Variants in TESC observed in about 807,000 individuals in gnomAD.
TESC encodes the protein tescalcin.
A neutral mutation model predicts 31.0 loss-of-function variants in TESC; 19 were observed. The ratio of observed to expected loss-of-function variants is 0.61; its 90% CI spans 0.43 to 0.90. The LOEUF is 0.90. Ranked by LOEUF, TESC falls within the 40% of genes least tolerant of loss-of-function variation. TESC has a pLI of 0.00. For missense variants in TESC, 248 were observed against 303.8 expected, an observed-to-expected ratio of 0.82 and a Z score of 1.36; for synonymous variants, 109 against 114.8, an observed-to-expected ratio of 0.95 and a Z score of 0.32.
chr12:117,081,670 G>A (rs953089906), intron 1 of TESC, among the ~76,000 whole-genome samples: 13 of 152,100 alleles, frequency 8.5e-5, no homozygotes, highest in African/African-American at 2.9e-4. Flanking sequence ...TTGGGAGGCC[G>A]AGGCTGGTGG....
chr12:117,091,209 G>A (rs986372883), intron 1 of TESC, among the ~76,000 whole-genome samples: 6 of 152,150 alleles, frequency 3.9e-5, no homozygotes, highest in African/African-American at 1.4e-4. Context: ...CAGGACCAGG[G>A]GTGCCCAGGC....
chr12:117,063,303 G>A (rs979092732), intron 2 of TESC, among the ~76,000 whole-genome samples: 3 of 152,002 alleles, frequency 2.0e-5, no homozygotes, highest in Admixed American at 6.6e-5. Context: ...GCATTTTTAC[G>A]TTAAAGAGAG....
intron 3 of TESC, among the ~76,000 whole-genome samples, chr12:117,051,925 T>A (rs1185280864): frequency 1.3e-5 from 2 of 152,198 alleles, no homozygotes; most frequent in Non-Finnish European, 2.9e-5. Context: ...CTCCATTTTT[T>A]AAATAAAAGT....
chr12:117,097,362 C>G (rs1282407261), intron 1 of TESC, among the ~76,000 whole-genome samples: 1 of 152,058 alleles, frequency 6.6e-6, no homozygotes, highest in Non-Finnish European at 1.5e-5. Flanking sequence ...GAGGCTGGAC[C>G]CAGGAAACTG....
chr12:117,075,849 A>ATATATATATATATATGTG (rs1565971303), intron 1 of TESC, among the ~76,000 whole-genome samples: 781 of 24,004 alleles, frequency 0.033, 30 homozygotes, highest in South Asian at 0.29. Context: ...GTGTGTGTGT[A>ATATATATATATATATGTG]TATATATATA....
chr12:117,093,575 T>G (rs1260906684), intron 1 of TESC, among the ~76,000 whole-genome samples: 1 of 152,208 alleles, frequency 6.6e-6, no homozygotes, highest in Non-Finnish European at 1.5e-5. Context: ...CTACTTCTCA[T>G]TATGATGCCT....
chr12:117,053,032 C>T (rs1954670388), intron 3 of TESC, among the ~76,000 whole-genome samples: 1 of 152,150 alleles, frequency 6.6e-6, no homozygotes, highest in Non-Finnish European at 1.5e-5. Flanking sequence ...ACCTCACCGC[C>T]CCTTCCTGCC....
rs553979107 is a variant in TESC, at chr12:117,097,164, TG to T, written c.58+2060del. On this transcript the variant is annotated intron_variant, in intron 1 of 7. Coordinates refer to ENST00000335209, the MANE Select transcript of TESC (RefSeq NM_017899.4). ...AATTACGCAGTCCCTTTCGGAGGAC[TG>T]GGGGCAACTTTCCACCTACCTAAAG... 2.3e-4 allele frequency among the ~76,000 whole-genome samples: 35 copies of T among 152,328 alleles called. No individual in the cohort carries two copies. In the East Asian group the frequency reaches 6.0e-3, roughly 26 times the overall value.
chr12:117,063,935 T>C (rs1954834765), intron 2 of TESC, among the ~76,000 whole-genome samples: 1 of 152,138 alleles, frequency 6.6e-6, no homozygotes, highest in African/African-American at 2.4e-5. Flanking sequence ...AGATGCACCA[T>C]CTCTCCCTAC....
In TESC at chr12:117,092,091, G is replaced by A. The variant is rs1364220041; in HGVS notation, c.58+7134C>T. Among the ~76,000 whole-genome samples the A allele has an allele frequency of 2.6e-5, 4 of 152,198 alleles. No individual in the cohort carries two copies. In the East Asian group the frequency reaches 7.7e-4, roughly 29 times the overall value. The stretch of plus-strand genomic sequence containing the variant: ...ACCTCAGTTTGCCCATCTATAAACT[G>A]GCAGCAATAGTCCCACCCTCAAAGG... On this transcript the variant is annotated intron_variant, in intron 1 of 7. Coordinates refer to ENST00000335209, the MANE Select transcript of TESC (RefSeq NM_017899.4).
intron 3 of TESC, among the ~76,000 whole-genome samples, chr12:117,051,791 T>C (rs886690127): frequency 6.6e-6 from 1 of 151,512 alleles, no homozygotes; most frequent in African/African-American, 2.4e-5. Flanking sequence ...GGAAGGAGGG[T>C]CCCTTCCCCT....
In TESC at chr12:117,099,331, A is replaced by G; in HGVS notation, c.-49T>C. On this transcript the variant is annotated 5_prime_UTR_variant, in exon 1 of 8. Coordinates refer to ENST00000335209, the MANE Select transcript of TESC (RefSeq NM_017899.4). ...GGCGCGCGTCCCTCTCAGGCCCCGC[A>G]CTGGCTTCGGCTGCGCAGCGGCGGG... The G allele has an allele frequency of 7.2e-7, 1 of 1,393,866 alleles. No homozygotes were observed. The allele number at this position is 1,393,866 out of a possible 1,614,324, so 86.3% of individuals were successfully genotyped here.
intron 2 of TESC, among the ~76,000 whole-genome samples, chr12:117,058,296 G>T (rs1954757230): frequency 6.6e-6 from 1 of 152,060 alleles, no homozygotes; most frequent in African/African-American, 2.4e-5. Flanking sequence ...AATTACAAAT[G>T]ACCACATATT....
At chr12:117,075,415 T>C in intron 1 of TESC, 75 bp from the exon 2 acceptor site, 1 of 1,540,784 alleles carries the variant, frequency 6.5e-7, no homozygotes, top group Non-Finnish European at 8.8e-7. Context: ...GCTGCAGATA[T>C]TCTTTTGCCC....
At position 117,099,079 on chromosome 12, in the gene TESC, C is replaced by A. The variant is rs1373198231; in HGVS notation, c.58+146G>T. ...CAGCCCGCGAGGTGGCCAGCGGGGA[C>A]CCATTTGAAAGAGGAGGAGACTGAG... On this transcript the variant is annotated intron_variant, in intron 1 of 7. Transcript: ENST00000335209. 21 of 820,562 alleles carry A rather than the reference C, an allele frequency of 2.6e-5. 2 individuals are homozygous for A. In the South Asian group the frequency reaches 3.4e-4, roughly 13 times the overall value. 50.8% of individuals were successfully genotyped at this position (820,562 alleles called of 1,614,324 possible).
intron 1 of TESC, among the ~76,000 whole-genome samples, chr12:117,092,404 T>C (rs910450429): frequency 2.6e-5 from 4 of 152,176 alleles, no homozygotes; most frequent in Non-Finnish European, 5.9e-5. Flanking sequence ...GCAGGTGCCT[T>C]TGGTTGATCC....
At position 117,099,211 on chromosome 12, in the gene TESC, C is replaced by G. The variant is rs1036169911; in HGVS notation, c.58+14G>C. ...CCCGCCCCGGTCCCCGCGCCGCCCC[C>G]CGCGGGTACTCACAGCCGGTCTTGC... On this transcript the variant is annotated intron_variant, in intron 1 of 7. Coordinates refer to ENST00000335209, the MANE Select transcript of TESC (RefSeq NM_017899.4). 6.7e-7 allele frequency: 1 copy of G among 1,481,662 alleles called. No individual in the cohort carries two copies. The highest frequency in any genetic ancestry group is 8.9e-7 in the Non-Finnish European group (1 of 1,123,702). The allele number at this position is 1,481,662 out of a possible 1,614,324, so 91.8% of individuals were successfully genotyped here. A position where few individuals can be genotyped will look rare whatever the true frequency, so the allele number is the denominator to read the frequency against.
At chr12:117,050,954 G>A (rs1320621504) in intron 3 of TESC, among the ~76,000 whole-genome samples, 1 of 152,174 alleles carries the variant, frequency 6.6e-6, no homozygotes, top group Admixed American at 6.5e-5. Flanking sequence ...GCCTGGAGAT[G>A]ACTCCAAACC....
chr12:117,047,171 G>A (rs1454607128), intron 4 of TESC, among the ~76,000 whole-genome samples: 1 of 152,216 alleles, frequency 6.6e-6, no homozygotes, highest in African/African-American at 2.4e-5. Flanking sequence ...GACAGTAAGC[G>A]TTACCCGTTA....
Sources: allele counts gnomAD v4.1 joint callset (sites outside exome capture counted in the v4.1 genomes callset), GRCh38; gene constraint gnomAD v4.1.1; transcripts MANE v1.5; gene names NCBI Gene and HGNC (gene_info 2026-07-23, HGNC 2026-07-21).